Variants in GM2A observed in about 807,000 individuals in gnomAD.
GM2A encodes GM2 ganglioside activator.
In GM2A, 7 loss-of-function variants were observed where a neutral mutation model predicts 12.9. That is an observed-to-expected ratio of 0.54 (90% CI 0.31 to 1.02). GM2A has a LOEUF of 1.02. Ranked by LOEUF, GM2A falls within the 50% of genes least tolerant of loss-of-function variation. The pLI is 0.05. For missense variants in GM2A, 246 were observed against 241.0 expected, an observed-to-expected ratio of 1.02 and a Z score of -0.14; for synonymous variants, 101 against 96.0, an observed-to-expected ratio of 1.05 and a Z score of -0.30.
intron 3 of GM2A, 105 bp from the exon 4 acceptor site, chr5:151,267,191 G>A (rs1440147267): frequency 7.0e-7 from 1 of 1,430,080 alleles, no homozygotes; most frequent in Non-Finnish European, 9.8e-7. Flanking sequence ...TTTTGAGAAT[G>A]GGAAGAGGGG....
intron 2 of GM2A, among the ~76,000 whole-genome samples, chr5:151,261,519 A>G (rs557271986): frequency 6.6e-6 from 1 of 151,852 alleles, no homozygotes; most frequent in African/African-American, 2.4e-5. Flanking sequence ...GCTCCCTGCA[A>G]CCTCCACTTC....
In GM2A at chr5:151,253,243, C is replaced by T. The variant is rs760185979; in HGVS notation, c.27C>T (p.Leu9=). The change falls in exon 1 of 4, where the codon CTC becomes CTT. Residue 9 remains leucine (L), a synonymous_variant. Coordinates refer to ENST00000357164, the MANE Select transcript of GM2A (RefSeq NM_000405.5). MQSLMQAP[L]LIALGLLLAA... is the part of the protein sequence containing the mutation. ...TGCAGTCCCTGATGCAGGCTCCCCTCCTGATCGCCCTGGGCTTGCTTCTCG... is the reference window on the plus strand; with the variant it reads ...TGCAGTCCCTGATGCAGGCTCCCCTTCTGATCGCCCTGGGCTTGCTTCTCG... The T allele has an allele frequency of 1.2e-6, 2 of 1,613,964 alleles. No individual in the cohort carries two copies. Among genetic ancestry groups the T allele is most frequent in the African/African-American group, 2.7e-5 (2 of 74,934 alleles).
chr5:151,261,397 G>A (rs1753795884), intron 2 of GM2A, among the ~76,000 whole-genome samples: 2 of 152,056 alleles, frequency 1.3e-5, no homozygotes, highest in Non-Finnish European at 1.5e-5. Flanking sequence ...GTCTATTGTT[G>A]AACATTTAGT....
intron 1 of GM2A, among the ~76,000 whole-genome samples, chr5:151,256,819 G>T (rs1353689144): frequency 2.0e-5 from 3 of 151,998 alleles, no homozygotes; most frequent in African/African-American, 7.3e-5. Flanking sequence ...CCAATCCAGG[G>T]TACTGCACTG....
At position 151,266,902 on chromosome 5, in the gene GM2A, C is replaced by G. The variant is rs767374072; in HGVS notation, c.415C>G (p.Pro139Ala). Residue 139 changes from proline (P) to alanine (A), a missense_variant, in exon 3 of 4, where the codon CCC becomes GCC. Physicochemically the swap from Pro to Ala is conservative, Grantham distance 27 (BLOSUM62 -1). Transcript: ENST00000357164. ...LRTYGLPCHC[P>A]FKEGTYSLPK... ...TACCTATGGGCTTCCTTGCCACTGT[C>G]CCTTCAAAGAAGTAAGTACTTAGGG... The G allele has an allele frequency of 6.2e-7, 1 of 1,613,114 alleles. No individual in the cohort carries two copies. The highest frequency in any genetic ancestry group is 1.7e-5 in the Admixed American group (1 of 60,010).
At chr5:151,255,330 G>A (rs1361936423) in intron 1 of GM2A, among the ~76,000 whole-genome samples, 8 of 152,106 alleles carry the variant, frequency 5.3e-5, no homozygotes, top group South Asian at 2.1e-4. Flanking sequence ...ACAAAAACCC[G>A]ATTCCATTGC....
intron 2 of GM2A, among the ~76,000 whole-genome samples, chr5:151,264,950 C>G (rs1198021374): frequency 2.0e-5 from 3 of 151,684 alleles, no homozygotes; most frequent in African/African-American, 7.3e-5. Flanking sequence ...CCACTATACT[C>G]CAGCCTAGGT....
intron 2 of GM2A, among the ~76,000 whole-genome samples, chr5:151,266,199 C>T (rs964737103): frequency 1.3e-5 from 2 of 152,204 alleles, no homozygotes; most frequent in African/African-American, 4.8e-5. Context: ...AGACTATGGA[C>T]TGAGCATGAT....
chr5:151,254,286 T>A (rs1753643074), intron 1 of GM2A, among the ~76,000 whole-genome samples: 1 of 152,220 alleles, frequency 6.6e-6, no homozygotes, highest in Non-Finnish European at 1.5e-5. Flanking sequence ...AGTGGGATAA[T>A]GGCTCATATG....
intron 2 of GM2A, among the ~76,000 whole-genome samples, chr5:151,262,268 C>T (rs969117583): frequency 1.3e-5 from 2 of 152,194 alleles, no homozygotes; most frequent in East Asian, 1.9e-4. Context: ...CCTCTATGCC[C>T]TTCAGTCTGT....
chr5:151,266,681 AT>A (rs1247534375), intron 2 of GM2A, 49 bp from the exon 3 acceptor site: 11 of 1,425,068 alleles, frequency 7.7e-6, no homozygotes, highest in Non-Finnish European at 1.1e-5. Flanking sequence ...TTGCCCTGGA[AT>A]TTACACTTAT....
Position 151,259,750 on chromosome 5 carries a change from C to A in GM2A, c.82-5C>A, listed in dbSNP as rs1372511846. Reference sequence around the variant, plus strand: ...TCTCCTTCCTTGCTGCCTGATTGTCCCCAGCCATCCCAGCTCAGTAGCTTT... The same window carrying A: ...TCTCCTTCCTTGCTGCCTGATTGTCACCAGCCATCCCAGCTCAGTAGCTTT... On this transcript the variant is annotated splice_region_variant and splice_polypyrimidine_tract_variant and intron_variant, in intron 1 of 3. Coordinates refer to ENST00000357164, the MANE Select transcript of GM2A (RefSeq NM_000405.5). 1.9e-6 allele frequency: 3 copies of A among 1,613,314 alleles called. No homozygotes were observed. The highest frequency in any genetic ancestry group is 2.5e-6 in the Non-Finnish European group (3 of 1,179,334).
rs1753975578 is a variant in GM2A, at chr5:151,269,930, CG to C, written c.*2483del. The C allele has an allele frequency of 3.4e-6, 4 of 1,180,150 alleles. No individual in the cohort carries two copies. Among genetic ancestry groups the C allele is most frequent in the Non-Finnish European group, 4.2e-6 (4 of 952,320 alleles). 73.1% of individuals were successfully genotyped at this position (1,180,150 alleles called of 1,614,324 possible). On this transcript the variant is annotated 3_prime_UTR_variant, in exon 4 of 4. Transcript: ENST00000357164. Reference sequence around the variant, plus strand: ...CCACGAGTTGACCACTTCCCAATGCCGGGGATCTGACACCTCACCTGGCAAT... The same window carrying C: ...CCACGAGTTGACCACTTCCCAATGCCGGGATCTGACACCTCACCTGGCAAT...
chr5:151,270,146 G>A lies in GM2A; in HGVS notation c.*2695G>A, dbSNP rs770518416. ...GGAGTTAAAGGTGGCATCTTCAATC[G>A]CAGGTCAAAGCAGACTTTAATAAAT... On this transcript the variant is annotated 3_prime_UTR_variant, in exon 4 of 4. Transcript: ENST00000357164. 32 of 1,218,890 alleles carry A rather than the reference G, an allele frequency of 2.6e-5. No homozygotes were observed. The highest frequency in any genetic ancestry group is 8.4e-5 in the South Asian group (2 of 23,908). 75.5% of individuals were successfully genotyped at this position (1,218,890 alleles called of 1,614,324 possible).
chr5:151,257,995 G>T (rs148081779), intron 1 of GM2A, among the ~76,000 whole-genome samples: 1 of 152,224 alleles, frequency 6.6e-6, no homozygotes, highest in African/African-American at 2.4e-5. Flanking sequence ...CAGGAGCCAG[G>T]TCTGATTGTT....
chr5:151,266,600 A>G, intron 2 of GM2A, 131 bp from the exon 3 acceptor site: 1 of 717,964 alleles, frequency 1.4e-6, no homozygotes, highest in East Asian at 2.7e-5. Context: ...TATCTCTAAG[A>G]TCTCATCCAG....
intron 1 of GM2A, 100 bp from the exon 2 acceptor site, chr5:151,259,655 A>C (rs1023068951): frequency 2.7e-6 from 3 of 1,115,324 alleles, no homozygotes; most frequent in Admixed American, 3.9e-5. Context: ...TGCCTCACCC[A>C]AGGTCACTCT....
intron 2 of GM2A, among the ~76,000 whole-genome samples, chr5:151,263,910 G>T (rs1753839914): frequency 1.3e-5 from 2 of 152,142 alleles, no homozygotes; most frequent in South Asian, 4.1e-4. Context: ...GGCTGGATTT[G>T]ACTCCAGCTG....
intron 1 of GM2A, among the ~76,000 whole-genome samples, chr5:151,258,998 C>G (rs755134471): frequency 6.6e-6 from 1 of 152,044 alleles, no homozygotes; most frequent in Non-Finnish European, 1.5e-5. Context: ...CACATGCAGT[C>G]ACATGCAGAT....
Sources: allele counts gnomAD v4.1 joint callset (sites outside exome capture counted in the v4.1 genomes callset), GRCh38; gene constraint gnomAD v4.1.1; transcripts MANE v1.5; gene names NCBI Gene and HGNC (gene_info 2026-07-23, HGNC 2026-07-21).